SMCHD1: variants seen among roughly 807,000 people sequenced by gnomAD.
SMCHD1 encodes structural maintenance of chromosomes flexible hinge domain containing 1.
SMCHD1 carries 78 observed loss-of-function variants against 254.7 expected under a neutral mutation model. That is an observed-to-expected ratio of 0.31 (90% confidence interval 0.26 to 0.37). The LOEUF is 0.37. SMCHD1 is among the 10% of genes least tolerant of loss of function. The pLI, the probability that SMCHD1 is intolerant of heterozygous loss-of-function variation, is 1.00. For synonymous variants in SMCHD1, 766 were observed against 794.9 expected, an observed-to-expected ratio of 0.96 and a Z score of 0.61; for missense variants, 1,840 against 2,408.1, an observed-to-expected ratio of 0.76 and a Z score of 4.94.
chr18:2,658,918 A>G (rs552252229), intron 1 of SMCHD1, among the ~76,000 whole-genome samples: 13 of 135,782 alleles, frequency 9.6e-5, no homozygotes, highest in African/African-American at 2.4e-4. Context: ...GCATATATAC[A>G]TATATACACA....
intron 1 of SMCHD1, among the ~76,000 whole-genome samples, chr18:2,657,923 C>T (rs1434338892): frequency 6.6e-6 from 1 of 151,548 alleles, no homozygotes; most frequent in Admixed American, 6.6e-5. Flanking sequence ...GCCAGGACTA[C>T]AGGTGAGCGC....
intron 8 of SMCHD1, among the ~76,000 whole-genome samples, chr18:2,696,683 C>T (rs80111474): frequency 0.052 from 7,890 of 152,188 alleles, 284 homozygotes; most frequent in Non-Finnish European, 0.077. Context: ...GAATTATAGA[C>T]TCTTGCTGTC....
rs373408900 is a variant in SMCHD1 at position 2,770,660 on chromosome 18, C to T, written c.4966+552C>T. 2.0e-5 allele frequency among the ~76,000 whole-genome samples: 3 copies of T among 152,054 alleles called. No homozygotes were observed. The South Asian group carries it at 6.2e-4, about 32-fold the overall frequency. On this transcript the variant is annotated intron_variant, in intron 39 of 47. Coordinates refer to ENST00000320876, the MANE Select transcript of SMCHD1 (RefSeq NM_015295.3). ...TTTTTTTTTGAGACACAGTCTCTGTCGCCCAGGCTGGAGTGCAGTGGCACG... is the reference window on the plus strand; with the variant it reads ...TTTTTTTTTGAGACACAGTCTCTGTTGCCCAGGCTGGAGTGCAGTGGCACG...
At chr18:2,736,727 A>G (rs940754351) in intron 25 of SMCHD1, among the ~76,000 whole-genome samples, 15 of 152,320 alleles carry the variant, frequency 9.8e-5, no homozygotes, top group African/African-American at 2.2e-4. Context: ...CAGAATGTCT[A>G]TATTTAAAAC....
chr18:2,667,059 A>G (rs535828375), intron 3 of SMCHD1, 28 bp downstream of exon 3: 1 of 1,496,696 alleles, frequency 6.7e-7, no homozygotes, highest in Admixed American at 2.0e-5. Context: ...ACTAATTTTG[A>G]TAAATTATTA....
At chr18:2,739,296 A>G (rs1352053527) in intron 26 of SMCHD1, 136 bp from the exon 27 acceptor site, 2 of 668,934 alleles carry the variant, frequency 3.0e-6, no homozygotes, top group East Asian at 2.9e-5. Context: ...TATATAAATT[A>G]AACAGTTATT....
At chr18:2,684,688 T>C (rs2073999861) in intron 5 of SMCHD1, among the ~76,000 whole-genome samples, 1 of 140,242 alleles carries the variant, frequency 7.1e-6, no homozygotes, top group African/African-American at 2.6e-5. Context: ...TTTCCTGCCT[T>C]ATTGCAGATT....
intron 7 of SMCHD1, 127 bp from the exon 8 acceptor site, chr18:2,694,400 C>A: frequency 1.2e-6 from 1 of 815,126 alleles, no homozygotes; most frequent in Non-Finnish European, 1.9e-6. Flanking sequence ...GGCCAGTTTC[C>A]TCCAAAGCTT....
chr18:2,764,453 A>G (rs999307573), intron 37 of SMCHD1, among the ~76,000 whole-genome samples: 9 of 152,164 alleles, frequency 5.9e-5, no homozygotes, highest in Non-Finnish European at 2.9e-5. Context: ...TAATGACCAC[A>G]GTTTATTTGA....
At chr18:2,722,218 G>A (rs1262672974) in intron 19 of SMCHD1, among the ~76,000 whole-genome samples, 1 of 152,128 alleles carries the variant, frequency 6.6e-6, no homozygotes, top group African/African-American at 2.4e-5. Flanking sequence ...CAGGTAGATA[G>A]CTGGAGCTCA....
At chr18:2,698,299 TATTA>T (rs2074326606) in intron 10 of SMCHD1, among the ~76,000 whole-genome samples, 1 of 152,208 alleles carries the variant, frequency 6.6e-6, no homozygotes, top group Admixed American at 6.5e-5. Flanking sequence ...TATGTATGCG[TATTA>T]ATCCTTTATA....
rs8091982 is a variant in SMCHD1, at chr18:2,693,136, T to G, written c.874-1391T>G. ...ACAAATTCTGAAAGAGCTGTAACAC[T>G]TTTTAATTAAGCAAGTAATCATACA... is the stretch of plus-strand genomic sequence containing the variant. On this transcript the variant is annotated intron_variant, in intron 7 of 47. Coordinates refer to ENST00000320876, the MANE Select transcript of SMCHD1 (RefSeq NM_015295.3). Among the ~76,000 whole-genome samples, 757 of 152,376 alleles carry G rather than the reference T, an allele frequency of 5.0e-3. 5 individuals are homozygous for G. The highest frequency in any genetic ancestry group is 0.017 in the African/African-American group (714 of 41,582).
Position 2,725,939 on chromosome 18 carries a change from G to A in SMCHD1, c.2701-513G>A, listed in dbSNP as rs1387256763. Among the ~76,000 whole-genome samples the A allele has an allele frequency of 2.6e-5, 4 of 151,800 alleles. No homozygotes were observed. In the East Asian group the frequency reaches 7.7e-4, roughly 29 times the overall value. ...AGTTCCTCTGTTAATGTCTTACAGA[G>A]CTTTATATATTTATCCACACATTGA... is the stretch of plus-strand genomic sequence containing the variant. On this transcript the variant is annotated intron_variant, in intron 21 of 47. Coordinates refer to ENST00000320876, the MANE Select transcript of SMCHD1 (RefSeq NM_015295.3).
intron 25 of SMCHD1, among the ~76,000 whole-genome samples, chr18:2,733,839 A>T (rs1382800385): frequency 6.6e-6 from 1 of 152,206 alleles, no homozygotes; most frequent in Non-Finnish European, 1.5e-5. Flanking sequence ...GTGTGGAAAA[A>T]TAATTTATCA....
rs893168436 is a variant in SMCHD1, at chr18:2,671,309, A to G, written c.425-1972A>G. Among the ~76,000 whole-genome samples the G allele has an allele frequency of 3.3e-5, 5 of 151,670 alleles. No individual in the cohort carries two copies. In the East Asian group the frequency reaches 9.7e-4, roughly 29 times the overall value. On this transcript the variant is annotated intron_variant, in intron 3 of 47. Transcript: ENST00000320876. Reference sequence around the variant, plus strand: ...TATAGAGTCAACAGAAGTATTTTAAACTCTTAATGTAGTTTATGTTTCATA... The same window carrying G: ...TATAGAGTCAACAGAAGTATTTTAAGCTCTTAATGTAGTTTATGTTTCATA...
At chr18:2,670,916 G>A (rs889676687) in intron 3 of SMCHD1, among the ~76,000 whole-genome samples, 22 of 131,256 alleles carry the variant, frequency 1.7e-4, no homozygotes, top group Middle Eastern at 8.0e-3. Flanking sequence ...AAAAAAAAAA[G>A]AAAATTGAGT....
chr18:2,712,371 T>TA (rs2074698707), intron 17 of SMCHD1, among the ~76,000 whole-genome samples: 1 of 152,202 alleles, frequency 6.6e-6, no homozygotes, highest in Admixed American at 6.5e-5. Flanking sequence ...ATTTATTTCT[T>TA]AATCCTCTGT....
chr18:2,752,773 A>G, intron 34 of SMCHD1: 1 of 428,480 alleles, frequency 2.3e-6, no homozygotes, highest in Non-Finnish European at 4.2e-6. Context: ...TTGCTTTTGA[A>G]ACTATCGAAG....
intron 47 of SMCHD1, chr18:2,800,692 A>G (rs1020974347): frequency 6.6e-6 from 1 of 152,096 alleles, no homozygotes; most frequent in African/African-American, 2.4e-5. Context: ...GATTTGCCCT[A>G]TCCCAGTTAT....
Sources: allele counts gnomAD v4.1 joint callset (sites outside exome capture counted in the v4.1 genomes callset), GRCh38; gene constraint gnomAD v4.1.1; transcripts MANE v1.5; gene names NCBI Gene and HGNC (gene_info 2026-07-23, HGNC 2026-07-21).